Variants in SLC24A4 observed in about 807,000 individuals in gnomAD.
The protein encoded by SLC24A4 is sodium/potassium/calcium exchanger 4.
In SLC24A4, 53 loss-of-function variants were observed where a neutral mutation model predicts 79.0. The observed-to-expected ratio is 0.67, with a 90% CI of 0.54 to 0.84. SLC24A4 has a LOEUF of 0.84. Ranked by LOEUF, SLC24A4 falls within the 40% of genes least tolerant of loss-of-function variation. The pLI, the probability that SLC24A4 is intolerant of heterozygous loss-of-function variation, is 0.00. For missense variants in SLC24A4, 731 were observed against 822.0 expected, an observed-to-expected ratio of 0.89 and a Z score of 1.35; for synonymous variants, 323 against 323.8, an observed-to-expected ratio of 1.00 and a Z score of 0.03.
In SLC24A4 at chr14:92,441,254, T is replaced by A. The variant is rs1398709529; in HGVS notation, c.394-835T>A. On this transcript the variant is annotated intron_variant, in intron 4 of 16. Transcript: ENST00000532405. This position sits in a 1 kb window ranked among gnomAD's most constrained non-coding sequence, Gnocchi z 4.6. ...AACCGCAGAGTGGGCGCCTCCAGAT[T>A]GGTTTTCAGGCAGACCCTCAGTCTC... is the stretch of plus-strand genomic sequence containing the variant. 1.3e-5 allele frequency among the ~76,000 whole-genome samples: 2 copies of A among 152,088 alleles called. No homozygotes were observed. Among genetic ancestry groups the A allele is most frequent in the Non-Finnish European group, 2.9e-5 (2 of 68,010 alleles).
chr14:92,336,927 A>C (rs1378730490), intron 2 of SLC24A4, among the ~76,000 whole-genome samples: 5 of 152,168 alleles, frequency 3.3e-5, no homozygotes, highest in African/African-American at 1.2e-4. Flanking sequence ...TACCTGGAGG[A>C]ACGCTTGCTA....
intron 13 of SLC24A4, chr14:92,484,260 G>A: frequency 2.0e-6 from 2 of 985,160 alleles, no homozygotes; most frequent in Non-Finnish European, 2.4e-6. Flanking sequence ...CCCACCCTTT[G>A]GCCGGCTCCC....
rs76144142 is a variant in SLC24A4, at chr14:92,351,304, G to A, written c.241+25326G>A. 3.4e-3 allele frequency among the ~76,000 whole-genome samples: 509 copies of A among 151,640 alleles called. 1 individual carries two copies. The highest frequency in any genetic ancestry group is 0.012 in the African/African-American group (486 of 41,346). ...GCCGAAAACTCAATAAATTATAGGC[G>A]TCCTAAAGGTGGTTAGCAGGACAGG... is the stretch of plus-strand genomic sequence containing the variant. On this transcript the variant is annotated intron_variant, in intron 2 of 16. Coordinates refer to ENST00000532405, the MANE Select transcript of SLC24A4 (RefSeq NM_153646.4).
intron 2 of SLC24A4, among the ~76,000 whole-genome samples, chr14:92,415,054 G>C (rs1018148681): frequency 6.6e-6 from 1 of 150,406 alleles, no homozygotes; most frequent in African/African-American, 2.5e-5. Flanking sequence ...TTGGACTCAT[G>C]GTTGAAAGGC....
intron 2 of SLC24A4, among the ~76,000 whole-genome samples, chr14:92,327,706 A>G (rs1885228041): frequency 6.6e-6 from 1 of 152,068 alleles, no homozygotes; most frequent in Non-Finnish European, 1.5e-5. Context: ...CTTTCTTATG[A>G]TAGAGTTCTC....
intron 2 of SLC24A4, among the ~76,000 whole-genome samples, chr14:92,340,416 G>A (rs542744460): frequency 6.6e-5 from 10 of 152,382 alleles, no homozygotes; most frequent in African/African-American, 2.4e-4. Flanking sequence ...GTATTTGCTG[G>A]ACAGATGGGG....
chr14:92,396,394 C>T (rs1889781044), intron 2 of SLC24A4, among the ~76,000 whole-genome samples: 1 of 152,170 alleles, frequency 6.6e-6, no homozygotes, highest in Non-Finnish European at 1.5e-5. Flanking sequence ...TCCTTTGATA[C>T]CTGGGAAGTA....
Position 92,495,094 on chromosome 14 carries a change from G to A in SLC24A4, c.*1466G>A, listed in dbSNP as rs1337577295. 2 of 152,610 alleles carry A rather than the reference G, an allele frequency of 1.3e-5. No homozygotes were observed. The highest frequency in any genetic ancestry group is 6.5e-5 in the Admixed American group (1 of 15,272). 9.5% of individuals were successfully genotyped at this position (152,610 alleles called of 1,614,324 possible). A position where few individuals can be genotyped will look rare whatever the true frequency, so the allele number is the denominator to read the frequency against. ...ATGGGAACTACCCATGATGATGTAAGAGGAAAGAACATTTTTTTGTGATTC... is the reference window on the plus strand; with the variant it reads ...ATGGGAACTACCCATGATGATGTAAAAGGAAAGAACATTTTTTTGTGATTC... On this transcript the variant is annotated 3_prime_UTR_variant, in exon 17 of 17. Transcript: ENST00000532405.
chr14:92,340,304 G>A (rs1462216219), intron 2 of SLC24A4, among the ~76,000 whole-genome samples: 7 of 152,240 alleles, frequency 4.6e-5, no homozygotes, highest in African/African-American at 7.2e-5. Context: ...AGGTAAACTC[G>A]TAATCACTGC....
At chr14:92,390,519 A>T (rs1889405530) in intron 2 of SLC24A4, among the ~76,000 whole-genome samples, 1 of 152,194 alleles carries the variant, frequency 6.6e-6, no homozygotes. Flanking sequence ...ATATTTTATT[A>T]AAATGCTTTC....
intron 12 of SLC24A4, among the ~76,000 whole-genome samples, chr14:92,458,909 A>G (rs1228878062): frequency 1.3e-5 from 2 of 152,280 alleles, no homozygotes; most frequent in East Asian, 1.9e-4. Context: ...ACCACAGTCC[A>G]GGAAACAGCC....
chr14:92,468,035 A>G (rs61977314), intron 12 of SLC24A4, among the ~76,000 whole-genome samples: 11,169 of 152,250 alleles, frequency 0.073, 562 homozygotes, highest in East Asian at 0.15. Flanking sequence ...AATCCTAAGG[A>G]ACCCACACAA....
chr14:92,433,820 T>C lies in SLC24A4; in HGVS notation c.242-92T>C, dbSNP rs549662764. The C allele has an allele frequency of 1.9e-5, 20 of 1,068,628 alleles. No individual in the cohort carries two copies. The South Asian group carries it at 2.4e-4, about 13-fold the overall frequency. The allele number at this position is 1,068,628 out of a possible 1,614,324, so 66.2% of individuals were successfully genotyped here. A position where few individuals can be genotyped will look rare whatever the true frequency, so the allele number is the denominator to read the frequency against. On this transcript the variant is annotated intron_variant, in intron 2 of 16. Coordinates refer to ENST00000532405, the MANE Select transcript of SLC24A4 (RefSeq NM_153646.4). Reference sequence around the variant, plus strand: ...GATCAGTCCAAAGCGAGGTGGGCTCTGCAGTTCCTTAGTGAACTCTCAGAA... The same window carrying C: ...GATCAGTCCAAAGCGAGGTGGGCTCCGCAGTTCCTTAGTGAACTCTCAGAA...
At chr14:92,379,842 T>C (rs554964040) in intron 2 of SLC24A4, among the ~76,000 whole-genome samples, 4 of 152,222 alleles carry the variant, frequency 2.6e-5, no homozygotes, top group Admixed American at 6.5e-5. Context: ...AGCACACCCA[T>C]ACTTCCTACC....
At chr14:92,339,082 A>C (rs1273023148) in intron 2 of SLC24A4, among the ~76,000 whole-genome samples, 1 of 152,142 alleles carries the variant, frequency 6.6e-6, no homozygotes, top group African/African-American at 2.4e-5. Flanking sequence ...GGAAGGAGTT[A>C]AGTGTTAGAG....
intron 12 of SLC24A4, among the ~76,000 whole-genome samples, chr14:92,461,258 G>A (rs577689979): frequency 2.0e-5 from 3 of 152,178 alleles, no homozygotes; most frequent in East Asian, 1.9e-4. Flanking sequence ...GCTGGCCTTC[G>A]TGGCCACTTT....
At chr14:92,423,150 T>TTTCATTTCATTTCATTTCA (rs59132643) in intron 2 of SLC24A4, among the ~76,000 whole-genome samples, 1 of 150,590 alleles carries the variant, frequency 6.6e-6, no homozygotes, top group Non-Finnish European at 1.5e-5. Context: ...TTTCATTTCA[T>TTTCATTTCATTTCATTTCA]TTTTTTTTGA....
At chr14:92,486,589 G>A in intron 13 of SLC24A4, 77 bp from the exon 14 acceptor site, 2 of 870,064 alleles carry the variant, frequency 2.3e-6, no homozygotes, top group South Asian at 1.5e-5. Flanking sequence ...CGCTTACAGT[G>A]TCTCTAATAC....
chr14:92,361,192 G>A (rs1887492546), intron 2 of SLC24A4, among the ~76,000 whole-genome samples: 1 of 151,984 alleles, frequency 6.6e-6, no homozygotes, highest in Non-Finnish European at 1.5e-5. Flanking sequence ...TCATCTCGAG[G>A]ATGTTGACCG....
Sources: gnomAD v4.1 joint callset for allele counts (sites outside exome capture counted in the v4.1 genomes callset) on GRCh38, gnomAD v4.1.1 for gene constraint, Gnocchi (gnomAD v3.1) non-coding constraint, MANE v1.5 for transcripts, NCBI Gene and HGNC (gene_info 2026-07-23, HGNC 2026-07-21) for gene names.